The following RABGAP1 variants were observed in gnomAD, a reference collection of about 807,000 sequenced individuals.
The protein encoded by RABGAP1 is RAB GTPase activating protein 1, also known as rab GTPase-activating protein 1.
RABGAP1 carries 23 observed loss-of-function variants against 137.6 expected under a neutral mutation model. The observed-to-expected ratio is 0.17, with a 90% CI of 0.12 to 0.24. The LOEUF (loss-of-function observed/expected upper bound fraction) is 0.24, where lower values mean the gene tolerates loss of function less well. RABGAP1 is among the 10% of genes least tolerant of loss of function. The pLI is 1.00. For missense variants in RABGAP1, 906 were observed against 1,275.8 expected (o/e 0.71, Z 4.42); for synonymous variants, 451 against 450.7 (o/e 1.00, Z -0.01).
At chr9:123,005,768 A>G (rs1018637423) in intron 10 of RABGAP1, among the ~76,000 whole-genome samples, 1 of 152,230 alleles carries the variant, frequency 6.6e-6, no homozygotes, top group African/African-American at 2.4e-5. Flanking sequence ...GCATCTTAGA[A>G]TAGACTCCTA....
rs2035413422 is a variant in RABGAP1, at chr9:123,103,633, A to ATATATATATATAT, written c.*424_*425insTATATATATTATA. ...TATATATATATATATATATATATAT[A>ATATATATATATAT]TATAGTGGGGGTGGGGCAAGGGATC... On this transcript the variant is annotated 3_prime_UTR_variant, in exon 26 of 26. Coordinates refer to ENST00000373647, the MANE Select transcript of RABGAP1 (RefSeq NM_012197.4). 1.1e-5 allele frequency: 1 copy of ATATATATATATAT among 94,704 alleles called. No individual in the cohort carries two copies. The highest frequency in any genetic ancestry group is 4.1e-5 in the African/African-American group (1 of 24,208). The allele number at this position is 94,704 out of a possible 1,614,324, so 5.9% of individuals were successfully genotyped here.
At chr9:122,935,545 T>C in the RABGAP1 span, among the ~76,000 whole-genome samples, 1 of 151,976 alleles carries the variant, frequency 6.6e-6, no homozygotes. Flanking sequence ...TCACCAATAT[T>C]GGTCAGGCTG....
chr9:123,095,139 A>T (rs914393846), intron 21 of RABGAP1, among the ~76,000 whole-genome samples: 3 of 148,972 alleles, frequency 2.0e-5, no homozygotes, highest in African/African-American at 7.4e-5. Context: ...AGGTGAGAGG[A>T]TCACTTGAAC....
chr9:123,080,380 C>T (rs921305295), intron 19 of RABGAP1, among the ~76,000 whole-genome samples: 3 of 152,150 alleles, frequency 2.0e-5, no homozygotes, highest in East Asian at 3.9e-4. Flanking sequence ...TTCTTGAAAT[C>T]GGCTCATAGC....
chr9:122,978,804 C>T (rs759642239), intron 2 of RABGAP1, among the ~76,000 whole-genome samples: 27 of 152,062 alleles, frequency 1.8e-4, no homozygotes, highest in Admixed American at 3.3e-4. Flanking sequence ...CAGCAATGTA[C>T]GAGGGTTTTC....
chr9:122,943,072 C>CTTTTTTTTTTTT (rs10582436), intron 1 of RABGAP1, among the ~76,000 whole-genome samples: 14 of 116,170 alleles, frequency 1.2e-4, no homozygotes, highest in African/African-American at 5.9e-4. Flanking sequence ...GGTGCACTTT[C>CTTTTTTTTTTTT]TTTTTTTTTT....
At chr9:122,979,712 T>G (rs1319450693) in intron 2 of RABGAP1, among the ~76,000 whole-genome samples, 1 of 152,246 alleles carries the variant, frequency 6.6e-6, no homozygotes, top group Non-Finnish European at 1.5e-5. Context: ...TTTGTTTTAT[T>G]TGTCACTTTC....
chr9:123,039,148 C>T (rs1159777490), intron 13 of RABGAP1, among the ~76,000 whole-genome samples: 1 of 152,104 alleles, frequency 6.6e-6, no homozygotes, highest in Non-Finnish European at 1.5e-5. Context: ...ATGATGTGTT[C>T]CCCCACACTT....
At chr9:122,942,161 CAAAA>C (rs1313566655) in intron 1 of RABGAP1, among the ~76,000 whole-genome samples, 3 of 151,112 alleles carry the variant, frequency 2.0e-5, no homozygotes, top group Non-Finnish European at 4.4e-5. Context: ...GTTTCGGAAA[CAAAA>C]AACAAAACAA....
At chr9:123,074,893 T>TC (rs1477099535) in intron 17 of RABGAP1, among the ~76,000 whole-genome samples, 1 of 152,146 alleles carries the variant, frequency 6.6e-6, no homozygotes, top group Admixed American at 6.5e-5. Context: ...TCCTGGAAGT[T>TC]CCATCCAGTA....
the RABGAP1 span, among the ~76,000 whole-genome samples, chr9:122,933,659 C>T: frequency 3.3e-5 from 5 of 152,010 alleles, no homozygotes; most frequent in Admixed American, 3.3e-4. Flanking sequence ...CAGAGTCTTG[C>T]TCTGTCGCCC....
Position 123,000,433 on chromosome 9 carries a change from A to G in RABGAP1, c.1374+1667A>G, listed in dbSNP as rs114819747. On this transcript the variant is annotated intron_variant, in intron 10 of 25. Coordinates refer to ENST00000373647, the MANE Select transcript of RABGAP1 (RefSeq NM_012197.4). ...TAGCAAAACTCCTTGGAAGATATCA[A>G]GGTCACCACTGATTTAAATTGCTAA... Among the ~76,000 whole-genome samples, 926 of 152,232 alleles carry G rather than the reference A, an allele frequency of 6.1e-3. 8 individuals are homozygous for G. The highest frequency in any genetic ancestry group is 0.021 in the African/African-American group (886 of 41,534).
chr9:123,025,599 T>C (rs1386567234), intron 13 of RABGAP1, among the ~76,000 whole-genome samples: 1 of 123,334 alleles, frequency 8.1e-6, no homozygotes. Context: ...AGGGATCTTG[T>C]AGCTTTATTG....
chr9:123,087,637 A>T (rs971477815), intron 19 of RABGAP1, among the ~76,000 whole-genome samples: 2 of 152,174 alleles, frequency 1.3e-5, no homozygotes, highest in Admixed American at 6.5e-5. Context: ...TTGTGGCCTC[A>T]CCCCAGGTGT....
At chr9:122,980,254 G>A (rs546051010) in intron 2 of RABGAP1, among the ~76,000 whole-genome samples, 1 of 152,268 alleles carries the variant, frequency 6.6e-6, no homozygotes, top group African/African-American at 2.4e-5. Context: ...ATACCATTAA[G>A]GACCCAATTT....
At chr9:122,957,300 G>A (rs1457892122) in intron 2 of RABGAP1, 91 bp downstream of exon 2, 2 of 1,022,756 alleles carry the variant, frequency 2.0e-6, no homozygotes, top group African/African-American at 3.3e-5. Flanking sequence ...TGGGAGGAAA[G>A]TGAGAACATG....
upstream of RABGAP1, chr9:122,939,270 TACAC>T (rs768686173): frequency 5.3e-5 from 8 of 151,736 alleles, no homozygotes; most frequent in Middle Eastern, 3.4e-3. Flanking sequence ...AAAAAAAAAA[TACAC>T]ACACACAGAA....
In RABGAP1 at chr9:122,998,608, T is replaced by C. The variant is rs781457288; in HGVS notation, c.1216T>C (p.Phe406Leu). The C allele has an allele frequency of 1.3e-6, 2 of 1,597,236 alleles. No individual in the cohort carries two copies. Among genetic ancestry groups the C allele is most frequent in the Admixed American group, 1.7e-5 (1 of 58,442 alleles). Residue 406 changes from phenylalanine to leucine, a missense_variant, in exon 10 of 26, where the codon TTT becomes CTT. Phe to Leu is a conservative substitution (Grantham distance 22). This residue lies in a region of RABGAP1 where 212 missense variants were observed against 289.4 expected (regional missense o/e 0.73). Coordinates refer to ENST00000373647, the MANE Select transcript of RABGAP1 (RefSeq NM_012197.4). The stretch of plus-strand genomic sequence containing the variant: ...CTTTCTTTGTTTAGATAAAGTCCTG[T>C]TTATGACCACAGCTGTAGATTTGGT... ...NEETPKDKVLFMTTAVDLVIT... is the reference protein window; with the variant it reads ...NEETPKDKVLLMTTAVDLVIT...
chr9:122,962,885 G>T (rs1260398076), intron 2 of RABGAP1, among the ~76,000 whole-genome samples: 2 of 152,154 alleles, frequency 1.3e-5, no homozygotes, highest in African/African-American at 4.8e-5. Flanking sequence ...TAAAAGGATG[G>T]AAAAATATAA....
Sources: allele counts gnomAD v4.1 joint callset (sites outside exome capture counted in the v4.1 genomes callset), GRCh38; gene constraint gnomAD v4.1.1; regional missense constraint gnomAD v4.1.1; transcripts MANE v1.5; gene names NCBI Gene and HGNC (gene_info 2026-07-23, HGNC 2026-07-21).